The following VPS54 variants were observed in gnomAD, a reference collection of about 807,000 sequenced individuals.
VPS54 encodes VPS54 subunit of GARP complex.
In VPS54, 45 loss-of-function variants were observed where a neutral mutation model predicts 121.5. That is an observed-to-expected ratio of 0.37 (90% CI 0.29 to 0.47). The LOEUF is 0.47. VPS54 is among the 20% of genes least tolerant of loss of function. VPS54 has a pLI of 0.99. For missense variants in VPS54, 1,090 were observed against 1,131.4 expected, an observed-to-expected ratio of 0.96 and a Z score of 0.52; for synonymous variants, 371 against 385.8, an observed-to-expected ratio of 0.96 and a Z score of 0.45.
chr2:63,939,978 G>C (rs1202506323), intron 11 of VPS54, among the ~76,000 whole-genome samples: 1 of 152,018 alleles, frequency 6.6e-6, no homozygotes, highest in Admixed American at 6.6e-5. Flanking sequence ...GGATGGTCTC[G>C]ATCTCTTGAC....
At chr2:64,016,820 G>T (rs1414142125) in intron 1 of VPS54, among the ~76,000 whole-genome samples, 4 of 151,708 alleles carry the variant, frequency 2.6e-5, no homozygotes, top group Non-Finnish European at 5.9e-5. Flanking sequence ...TGTTGGCTAG[G>T]CTGGTCTCGA....
intron 6 of VPS54, among the ~76,000 whole-genome samples, chr2:63,963,371 T>G (rs1052271832): frequency 1.3e-5 from 2 of 152,152 alleles, no homozygotes; most frequent in Admixed American, 1.3e-4. Flanking sequence ...CTTTTCTTCC[T>G]TTCTAACTGC....
At chr2:63,948,200 C>G (rs1428842454) in intron 8 of VPS54, among the ~76,000 whole-genome samples, 4 of 152,088 alleles carry the variant, frequency 2.6e-5, no homozygotes. Context: ...AAGTCAACTG[C>G]TAACATCTAC....
At chr2:63,909,649 AC>A (rs142979990) in intron 20 of VPS54, among the ~76,000 whole-genome samples, 25,458 of 148,340 alleles carry the variant, frequency 0.17, 2,899 homozygotes, top group Non-Finnish European at 0.24. Context: ...TGAACTCCTG[AC>A]CTCACGATCC....
intron 5 of VPS54, among the ~76,000 whole-genome samples, chr2:63,968,048 T>G (rs1031184350): frequency 1.3e-5 from 2 of 152,154 alleles, no homozygotes; most frequent in African/African-American, 2.4e-5. Context: ...AATGACAAAC[T>G]TTGAGTTTTA....
At chr2:63,908,090 C>T (rs1368811815) in intron 20 of VPS54, among the ~76,000 whole-genome samples, 1 of 152,064 alleles carries the variant, frequency 6.6e-6, no homozygotes, top group East Asian at 1.9e-4. Flanking sequence ...GAAATGTAAA[C>T]ACATACCTAC....
chr2:63,982,650 A>G (rs1289917863), intron 2 of VPS54, among the ~76,000 whole-genome samples: 1 of 152,196 alleles, frequency 6.6e-6, no homozygotes. Context: ...AGCTTACACA[A>G]CACATGTATT....
chr2:63,955,626 A>G (rs1046463904), intron 7 of VPS54, among the ~76,000 whole-genome samples: 6 of 152,206 alleles, frequency 3.9e-5, no homozygotes, highest in African/African-American at 1.4e-4. Context: ...TACAGGCTAT[A>G]TAATTAATTT....
intron 12 of VPS54, among the ~76,000 whole-genome samples, chr2:63,929,512 A>G (rs1281270088): frequency 1.3e-5 from 2 of 152,242 alleles, no homozygotes; most frequent in African/African-American, 4.8e-5. Flanking sequence ...ACACATTTAA[A>G]GCAGTGTGTA....
intron 1 of VPS54, among the ~76,000 whole-genome samples, chr2:64,015,528 G>C (rs562618580): frequency 6.6e-4 from 101 of 152,166 alleles, no homozygotes; most frequent in Admixed American, 6.6e-3. Flanking sequence ...ATTTTGAACC[G>C]GATAATTTCT....
chr2:63,902,740 G>A (rs757919230), intron 20 of VPS54, among the ~76,000 whole-genome samples: 8 of 152,130 alleles, frequency 5.3e-5, no homozygotes, highest in Non-Finnish European at 8.8e-5. Context: ...AGGCTGAGGC[G>A]GGTGGATCAC....
intron 1 of VPS54, among the ~76,000 whole-genome samples, chr2:63,988,554 T>A (rs1364970316): frequency 1.3e-5 from 2 of 152,186 alleles, no homozygotes; most frequent in Non-Finnish European, 2.9e-5. Context: ...AATTAATACT[T>A]TTATAATTTC....
intron 16 of VPS54, among the ~76,000 whole-genome samples, chr2:63,916,619 C>G (rs963695981): frequency 1.3e-5 from 2 of 152,078 alleles, no homozygotes; most frequent in African/African-American, 4.8e-5. Flanking sequence ...CATGGATCCA[C>G]TACAATTACT....
chr2:63,988,316 C>G (rs367595381), intron 1 of VPS54, among the ~76,000 whole-genome samples: 3 of 152,196 alleles, frequency 2.0e-5, no homozygotes, highest in African/African-American at 7.2e-5. Context: ...CACCTTTGCA[C>G]ATGTTGAACT....
chr2:63,967,983 G>C (rs184166614), intron 5 of VPS54, among the ~76,000 whole-genome samples: 1 of 152,154 alleles, frequency 6.6e-6, no homozygotes, highest in African/African-American at 2.4e-5. Context: ...TCAAAAAAAA[G>C]TTTGGCTGAA....
intron 8 of VPS54, among the ~76,000 whole-genome samples, chr2:63,948,068 C>T (rs1013936610): frequency 1.3e-5 from 2 of 152,054 alleles, no homozygotes; most frequent in Non-Finnish European, 2.9e-5. Context: ...TGGGCTCAAA[C>T]GATCCTCTAG....
At chr2:64,009,866 C>T (rs903177158) in intron 1 of VPS54, among the ~76,000 whole-genome samples, 1 of 145,910 alleles carries the variant, frequency 6.9e-6, no homozygotes, top group African/African-American at 2.6e-5. Context: ...TTTTTTGAGA[C>T]AGTCTCGCTC....
At chr2:63,972,690 A>G (rs1463704413) in intron 3 of VPS54, among the ~76,000 whole-genome samples, 2 of 152,246 alleles carry the variant, frequency 1.3e-5, no homozygotes, top group East Asian at 3.9e-4. Context: ...GTTCAATACT[A>G]GCCTGGCCAA....
intron 1 of VPS54, among the ~76,000 whole-genome samples, chr2:64,006,710 C>G (rs1471717542): frequency 6.6e-6 from 1 of 152,128 alleles, no homozygotes; most frequent in Non-Finnish European, 1.5e-5. Flanking sequence ...CCTCCGCCTC[C>G]CAGTTTCAAG....
Sources: gnomAD v4.1 joint callset for allele counts (sites outside exome capture counted in the v4.1 genomes callset) on GRCh38, gnomAD v4.1.1 for gene constraint, MANE v1.5 for transcripts, NCBI Gene and HGNC (gene_info 2026-07-23, HGNC 2026-07-21) for gene names.